The following KIF26A variants were observed in gnomAD, a reference collection of about 807,000 sequenced individuals.
KIF26A encodes the protein kinesin family member 26A, also known as kinesin-like protein KIF26A.
A neutral mutation model predicts 126.0 loss-of-function variants in KIF26A; 74 were observed. That is an observed-to-expected ratio of 0.59 (90% confidence interval 0.49 to 0.71). The LOEUF is 0.71. Ranked by LOEUF, KIF26A falls within the 30% of genes least tolerant of loss-of-function variation. KIF26A has a pLI of 0.00. For synonymous variants in KIF26A, 1,445 were observed against 1,232.7 expected (o/e 1.17, Z -3.61); for missense variants, 2,984 against 2,763.3 (o/e 1.08, Z -1.79).
At chr14:104,166,766 T>G (rs1479982029) in intron 4 of KIF26A, 93 bp from the exon 5 acceptor site, 4 of 1,219,036 alleles carry the variant, frequency 3.3e-6, no homozygotes, top group Non-Finnish European at 3.3e-6. Context: ...GCTGATGAAG[T>G]CCCAGGGTGG....
intron 6 of KIF26A, among the ~76,000 whole-genome samples, 158 bp downstream of exon 6, chr14:104,172,093 T>C (rs1297739959): frequency 1.3e-5 from 2 of 152,240 alleles, no homozygotes; most frequent in African/African-American, 4.8e-5. Context: ...ACCTCCCTCA[T>C]CGTCCTGGCC....
At chr14:104,169,243 C>T (rs1036586805) in intron 5 of KIF26A, among the ~76,000 whole-genome samples, 3 of 152,238 alleles carry the variant, frequency 2.0e-5, no homozygotes, top group Non-Finnish European at 4.4e-5. Flanking sequence ...CCAGGTTCCC[C>T]GCCCAGCCTG....
At position 104,173,409 on chromosome 14, in the gene KIF26A, G is replaced by A; in HGVS notation, c.1763G>A (p.Ser588Asn). Residue 588 changes from serine (S) to asparagine (N), a missense_variant, in exon 9 of 15, where the codon AGC becomes AAC. Ser to Asn is a conservative substitution (Grantham distance 46). Transcript: ENST00000423312. ...CTGGATGCGGCCCTGGCGGCCCGCA[G>A]CACCAGCCGAGCGGGCTGTGGCGAG... ...FYLDAALAAR[S>N]TSRAGCGEDA... The A allele has an allele frequency of 6.3e-7, 1 of 1,583,204 alleles. No individual in the cohort carries two copies. The highest frequency in any genetic ancestry group is 8.6e-7 in the Non-Finnish European group (1 of 1,165,990).
At chr14:104,165,399 T>C (rs1409582407) in intron 4 of KIF26A, among the ~76,000 whole-genome samples, 1 of 96,270 alleles carries the variant, frequency 1.0e-5, no homozygotes, top group East Asian at 2.2e-4. Flanking sequence ...TCTGTATGCA[T>C]ATGTGTTCTG....
chr14:104,176,635 G>A lies in KIF26A; in HGVS notation c.3847G>A (p.Val1283Met). ...AQVMLACAQR[V>M]VDGCEVAARA... The stretch of plus-strand genomic sequence containing the variant: ...GGTGATGCTAGCCTGTGCCCAGAGA[G>A]TGGTGGACGGGTGTGAGGTGGCAGC... The change falls in exon 12 of 15, where the codon GTG (valine) becomes ATG (methionine). Residue 1283 changes from valine to methionine, a missense_variant. Coordinates refer to ENST00000423312, the MANE Select transcript of KIF26A (RefSeq NM_015656.2). 4 of 1,606,894 alleles carry A rather than the reference G, an allele frequency of 2.5e-6. No individual in the cohort carries two copies. Among genetic ancestry groups the A allele is most frequent in the Non-Finnish European group, 3.4e-6 (4 of 1,177,596 alleles).
chr14:104,163,498 C>T (rs1028769992), intron 4 of KIF26A, among the ~76,000 whole-genome samples: 8 of 152,018 alleles, frequency 5.3e-5, no homozygotes, highest in South Asian at 2.1e-4. Flanking sequence ...TTTACAGAGA[C>T]GAGGCTTAGG....
Position 104,179,567 on chromosome 14 carries a change from G to C in KIF26A, c.5468-42G>C, listed in dbSNP as rs537567119. The C allele has an allele frequency of 7.0e-4, 1,026 of 1,468,800 alleles. 2 individuals carry two copies. Among genetic ancestry groups the C allele is most frequent in the Middle Eastern group, 1.5e-3 (6 of 4,100 alleles). The allele number at this position is 1,468,800 out of a possible 1,614,324, so 91.0% of individuals were successfully genotyped here. On this transcript the variant is annotated intron_variant, in intron 14 of 14. Coordinates refer to ENST00000423312, the MANE Select transcript of KIF26A (RefSeq NM_015656.2). Reference sequence around the variant, plus strand: ...GGGCCAGGTGGCTGCCCCCAGCCTCGGGCCTGACGCAGGTGCCCCTCCCCT... The same window carrying C: ...GGGCCAGGTGGCTGCCCCCAGCCTCCGGCCTGACGCAGGTGCCCCTCCCCT...
chr14:104,139,681 A>G (rs910358713), intron 2 of KIF26A, among the ~76,000 whole-genome samples: 1 of 152,134 alleles, frequency 6.6e-6, no homozygotes, highest in Non-Finnish European at 1.5e-5. Flanking sequence ...CCCTTGGGGC[A>G]CCTGGGCCCC....
intron 4 of KIF26A, among the ~76,000 whole-genome samples, chr14:104,158,290 G>T (rs1204633127): frequency 6.6e-6 from 1 of 152,262 alleles, no homozygotes; most frequent in East Asian, 1.9e-4. Flanking sequence ...CCTCCCGTCA[G>T]CTGGGCTCTT....
Position 104,175,363 on chromosome 14 carries a change from G to A in KIF26A, c.2575G>A (p.Gly859Arg). The change falls in exon 12 of 15, where the codon GGA becomes AGA. Residue 859 changes from glycine (G) to arginine (R), a missense_variant. Physicochemically the swap from Gly to Arg is moderately radical, Grantham distance 125. Coordinates refer to ENST00000423312, the MANE Select transcript of KIF26A (RefSeq NM_015656.2). ...ECMDGNEGPSGGPGGTDGAQA... is the reference protein window; with the variant it reads ...ECMDGNEGPSRGPGGTDGAQA... ...CATGGACGGCAACGAGGGTCCCTCA[G>A]GAGGTCCAGGTGGCACCGACGGAGC... 6.2e-7 allele frequency: 1 copy of A among 1,601,852 alleles called. No individual in the cohort carries two copies. The highest frequency in any genetic ancestry group is 8.5e-7 in the Non-Finnish European group (1 of 1,178,734).
chr14:104,156,042 C>T (rs1471246099), intron 3 of KIF26A, among the ~76,000 whole-genome samples: 1 of 151,950 alleles, frequency 6.6e-6, no homozygotes, highest in African/African-American at 2.4e-5. Flanking sequence ...CGCGACGAGC[C>T]ACCTGTGGGT....
At chr14:104,167,474 C>T (rs2037918238) in intron 5 of KIF26A, among the ~76,000 whole-genome samples, 1 of 152,068 alleles carries the variant, frequency 6.6e-6, no homozygotes, top group Admixed American at 6.5e-5. Flanking sequence ...CATGGGAAAG[C>T]GGGATGCGTG....
chr14:104,170,490 G>T (rs2037946535), intron 5 of KIF26A, among the ~76,000 whole-genome samples: 1 of 152,234 alleles, frequency 6.6e-6, no homozygotes, highest in African/African-American at 2.4e-5. Flanking sequence ...AATTTTGCCG[G>T]CGTTATGTAT....
intron 12 of KIF26A, among the ~76,000 whole-genome samples, chr14:104,178,328 G>A (rs1035669500): frequency 2.8e-4 from 42 of 152,198 alleles, no homozygotes; most frequent in African/African-American, 9.2e-4. Flanking sequence ...GGCAGGGAAA[G>A]TGGGAGGCCC....
Position 104,165,628 on chromosome 14 carries a change from T to C in KIF26A, c.924-1231T>C, listed in dbSNP as rs576009511. On this transcript the variant is annotated intron_variant, in intron 4 of 14. Transcript: ENST00000423312. Reference sequence around the variant, plus strand: ...GTGTGTCTCTGTCTCTGTATGCATGTGTGTGTCTGTGTTTCTGTATGCATG... The same window carrying C: ...GTGTGTCTCTGTCTCTGTATGCATGCGTGTGTCTGTGTTTCTGTATGCATG... Among the ~76,000 whole-genome samples, 833 of 143,892 alleles carry C rather than the reference T, an allele frequency of 5.8e-3. 7 individuals carry two copies. The highest frequency in any genetic ancestry group is 9.3e-3 in the Admixed American group (138 of 14,838). 94.4% of individuals were successfully genotyped at this position (143,892 alleles called of 152,430 possible). A position where few individuals can be genotyped will look rare whatever the true frequency, so the allele number is the denominator to read the frequency against.
Position 104,178,547 on chromosome 14 carries a change from C to T in KIF26A, c.5111-3C>T, listed in dbSNP as rs925910861. 3.4e-6 allele frequency: 5 copies of T among 1,458,760 alleles called. No homozygotes were observed. Among genetic ancestry groups the T allele is most frequent in the East Asian group, 5.2e-5 (2 of 38,796 alleles). 90.4% of individuals were successfully genotyped at this position (1,458,760 alleles called of 1,614,324 possible). On this transcript the variant is annotated splice_region_variant and splice_polypyrimidine_tract_variant and intron_variant, in intron 12 of 14. Transcript: ENST00000423312. ...TCACCCTGTGCCCGGCTCTCCGTTC[C>T]AGGTCTGCAGCGGCGGCGCCTGATT...
rs984738200 is a variant in KIF26A, at chr14:104,176,261, C to G, written c.3473C>G (p.Ser1158Cys). The G allele has an allele frequency of 9.4e-6, 15 of 1,595,522 alleles. No homozygotes were observed. In the African/African-American group the frequency reaches 2.0e-4, roughly 21 times the overall value. The change falls in exon 12 of 15, where the codon TCT (serine) becomes TGT (cysteine). Residue 1158 changes from serine (S) to cysteine (C), a missense_variant. Coordinates refer to ENST00000423312, the MANE Select transcript of KIF26A (RefSeq NM_015656.2). The part of the protein sequence containing the change: ...ALDGSLGDGS[S>C]GFLGPDRPDS... Reference sequence around the variant, plus strand: ...GATGGTTCCCTGGGGGATGGAAGCTCTGGGTTCCTGGGGCCAGACAGACCT... The same window carrying G: ...GATGGTTCCCTGGGGGATGGAAGCTGTGGGTTCCTGGGGCCAGACAGACCT...
chr14:104,178,806 G>A (rs1462215555), intron 13 of KIF26A, 51 bp downstream of exon 13: 31 of 1,087,906 alleles, frequency 2.8e-5, no homozygotes, highest in Middle Eastern at 2.9e-4. Context: ...GGAGCCTGCC[G>A]CGGATGGCAG....
rs2037613562 is a variant in KIF26A, at chr14:104,139,243, G to A, written c.243G>A (p.Lys81=). 6.4e-7 allele frequency: 1 copy of A among 1,555,986 alleles called. No individual in the cohort carries two copies. Among genetic ancestry groups the A allele is most frequent in the Non-Finnish European group, 8.7e-7 (1 of 1,153,036 alleles). ...RHCHTKLVEL[K]RQAWKLVSGP... ...GCCACACGAAGCTGGTGGAGCTCAA[G>A]CGACAGGCGTGGAAGCTGGTCAGCG... is the stretch of plus-strand genomic sequence containing the variant. Residue 81 remains lysine (K), a synonymous_variant, in exon 2 of 15, where the codon AAG becomes AAA. Coordinates refer to ENST00000423312, the MANE Select transcript of KIF26A (RefSeq NM_015656.2).
Sources: gnomAD v4.1 joint callset for allele counts (sites outside exome capture counted in the v4.1 genomes callset) on GRCh38, gnomAD v4.1.1 for gene constraint, MANE v1.5 for transcripts, NCBI Gene and HGNC (gene_info 2026-07-23, HGNC 2026-07-21) for gene names.